The following TNS3 variants were observed in gnomAD, a reference collection of about 807,000 sequenced individuals.
TNS3 encodes the protein tensin 3.
A neutral mutation model predicts 140.9 loss-of-function variants in TNS3; 45 were observed. The ratio of observed to expected loss-of-function variants is 0.32; its 90% CI spans 0.25 to 0.41. The LOEUF (loss-of-function observed/expected upper bound fraction) is 0.41, where lower values mean the gene tolerates loss of function less well. Among genes scored for constraint, TNS3 ranks in the 10% least tolerant of loss-of-function variants. TNS3 has a pLI of 1.00. For synonymous variants in TNS3, 815 were observed against 788.4 expected (o/e 1.03, Z -0.56); for missense variants, 1,716 against 1,906.7 (o/e 0.90, Z 1.86).
At chr7:47,303,998 G>A (rs375349928) in intron 21 of TNS3, among the ~76,000 whole-genome samples, 2 of 152,176 alleles carry the variant, frequency 1.3e-5, no homozygotes, top group Non-Finnish European at 2.9e-5. Flanking sequence ...CCACATACAC[G>A]TGTGCCCTCG....
intron 20 of TNS3, among the ~76,000 whole-genome samples, chr7:47,312,945 C>A (rs1285429584): frequency 6.6e-6 from 1 of 152,142 alleles, no homozygotes; most frequent in Non-Finnish European, 1.5e-5. Flanking sequence ...TTTCCACTAA[C>A]ATGGCCTACA....
At chr7:47,437,413 T>TA (rs571789665) in intron 6 of TNS3, 100 bp from the exon 7 acceptor site, 19 of 445,646 alleles carry the variant, frequency 4.3e-5, no homozygotes, top group Middle Eastern at 1.7e-3. Context: ...ACTAATTTTT[T>TA]AAAAAAATAT....
chr7:47,369,359 G>A lies in TNS3; in HGVS notation c.1287C>T (p.Leu429=), dbSNP rs1404745037. 3 of 1,614,088 alleles carry A rather than the reference G, an allele frequency of 1.9e-6. No individual in the cohort carries two copies. Among genetic ancestry groups the A allele is most frequent in the Non-Finnish European group, 2.5e-6 (3 of 1,180,052 alleles). The change falls in exon 17 of 31, where the codon CTC becomes CTT. Residue 429 remains leucine (L), a synonymous_variant. Transcript: ENST00000311160. ...CAGGATCTTCCAGGCCAAAGCCACT[G>A]AGCAGCTGGTCCAACTCTGCCTTCT... ...AQEKAELDQL[L]SGFGLEDPGS...
intron 1 of TNS3, among the ~76,000 whole-genome samples, chr7:47,537,625 G>C (rs1296966538): frequency 1.3e-5 from 2 of 152,036 alleles, no homozygotes; most frequent in Non-Finnish European, 2.9e-5. Flanking sequence ...GTGCTTAAAA[G>C]AATCAAAACC....
intron 20 of TNS3, among the ~76,000 whole-genome samples, chr7:47,328,479 T>C (rs2150897821): frequency 6.6e-6 from 1 of 150,990 alleles, no homozygotes; most frequent in African/African-American, 2.4e-5. Context: ...CTGCCCACCA[T>C]GCCCCCAAAC....
At chr7:47,524,248 C>A (rs1799096392) in intron 2 of TNS3, among the ~76,000 whole-genome samples, 1 of 152,198 alleles carries the variant, frequency 6.6e-6, no homozygotes. Flanking sequence ...CAGCTCTGCA[C>A]CACTGGATCT....
chr7:47,519,465 C>T (rs1446671296), intron 2 of TNS3, among the ~76,000 whole-genome samples: 1 of 152,232 alleles, frequency 6.6e-6, no homozygotes, highest in Non-Finnish European at 1.5e-5. Flanking sequence ...TCCCCCACCT[C>T]ACTCAGTGTG....
intron 30 of TNS3, chr7:47,279,901 C>A: frequency 1.9e-6 from 1 of 530,514 alleles, no homozygotes; most frequent in Non-Finnish European, 3.4e-6. Context: ...AAAGGCTGTG[C>A]CATCCATCTC....
chr7:47,482,828 G>T (rs1437632118), intron 3 of TNS3, among the ~76,000 whole-genome samples: 1 of 152,196 alleles, frequency 6.6e-6, no homozygotes, highest in African/African-American at 2.4e-5. Context: ...ACTCTGAAAA[G>T]GCCACATACT....
At chr7:47,369,763 T>A in intron 16 of TNS3, 142 bp from the exon 17 acceptor site, 1 of 1,015,760 alleles carries the variant, frequency 9.8e-7, no homozygotes. Flanking sequence ...AAGATTCCTC[T>A]AACATCACAA....
chr7:47,519,879 A>C (rs1330511157), intron 2 of TNS3, among the ~76,000 whole-genome samples: 4 of 121,832 alleles, frequency 3.3e-5, no homozygotes. Context: ...GCTGGAGTGC[A>C]GTGGCACAAT....
At chr7:47,460,356 C>A (rs1398464438) in intron 4 of TNS3, among the ~76,000 whole-genome samples, 1 of 152,148 alleles carries the variant, frequency 6.6e-6, no homozygotes, top group East Asian at 1.9e-4. Context: ...CTGCAGACAC[C>A]CTCATCTCAG....
In TNS3 at chr7:47,389,109, C is replaced by CGGAAGCAGAAGAAGA. The variant is rs1554310453; in HGVS notation, c.1024+7690_1024+7691insTCTTCTTCTGCTTCC. ...GAGGAAGAGGAAGAGGAAGCGGAAGCAGAAGAAGAAGAAGAAGAAGAAGAA... is the reference window on the plus strand; with the variant it reads ...GAGGAAGAGGAAGAGGAAGCGGAAGCGGAAGCAGAAGAAGAAGAAGAAGAAGAAGAAGAAGAAGAA... On this transcript the variant is annotated intron_variant, in intron 16 of 30. Transcript: ENST00000311160. Among the ~76,000 whole-genome samples the CGGAAGCAGAAGAAGA allele has an allele frequency of 5.1e-5, 3 of 59,140 alleles. 1 individual carries two copies. Among genetic ancestry groups the CGGAAGCAGAAGAAGA allele is most frequent in the South Asian group, 6.6e-4 (1 of 1,510 alleles). The allele number at this position is 59,140 out of a possible 152,430, so 38.8% of individuals were successfully genotyped here.
At chr7:47,292,075 T>C in intron 26 of TNS3, 43 bp from the exon 27 acceptor site, 1 of 1,586,272 alleles carries the variant, frequency 6.3e-7, no homozygotes, top group African/African-American at 1.3e-5. Flanking sequence ...GTCCTGCTCC[T>C]GACCAAGAAT....
intron 2 of TNS3, among the ~76,000 whole-genome samples, chr7:47,523,668 G>A (rs1343097608): frequency 6.6e-6 from 1 of 152,194 alleles, no homozygotes; most frequent in Admixed American, 6.5e-5. Flanking sequence ...CCTCCAGAAG[G>A]CAAAGGTTTT....
At chr7:47,300,805 A>G (rs1786356774) in intron 23 of TNS3, among the ~76,000 whole-genome samples, 1 of 152,242 alleles carries the variant, frequency 6.6e-6, no homozygotes. Context: ...AAGCAGGGCC[A>G]GGGTGGTGGC....
At chr7:47,494,807 C>A (rs1797941463) in intron 3 of TNS3, among the ~76,000 whole-genome samples, 1 of 152,094 alleles carries the variant, frequency 6.6e-6, no homozygotes, top group African/African-American at 2.4e-5. Context: ...TGGGAGTAGG[C>A]ACTTCCTGAA....
chr7:47,376,657 CA>C (rs1011742794), intron 16 of TNS3, among the ~76,000 whole-genome samples: 1 of 150,898 alleles, frequency 6.6e-6, no homozygotes, highest in African/African-American at 2.4e-5. Flanking sequence ...CCCTCCACTC[CA>C]AAAAAAGATA....
intron 1 of TNS3, chr7:47,557,254 AG>A: frequency 2.4e-6 from 1 of 411,918 alleles, no homozygotes; most frequent in South Asian, 1.8e-5. Flanking sequence ...GTCTTTCCTC[AG>A]GGTGCAGTCA....
Sources: allele counts gnomAD v4.1 joint callset (sites outside exome capture counted in the v4.1 genomes callset), GRCh38; gene constraint gnomAD v4.1.1; transcripts MANE v1.5; gene names NCBI Gene and HGNC (gene_info 2026-07-23, HGNC 2026-07-21).